The following KIZ variants were observed in gnomAD, a reference collection of about 807,000 sequenced individuals.
KIZ encodes kizuna centrosomal protein.
A neutral mutation model predicts 79.6 loss-of-function variants in KIZ; 68 were observed. The observed-to-expected ratio is 0.85, with a 90% CI of 0.70 to 1.05. The LOEUF (loss-of-function observed/expected upper bound fraction) is 1.05, where lower values mean the gene tolerates loss of function less well. Among genes scored for constraint, KIZ ranks in the 50% least tolerant of loss-of-function variants. The pLI, the probability that KIZ is intolerant of heterozygous loss-of-function variation, is 0.00. For missense variants in KIZ, 797 were observed against 800.4 expected (o/e 1.00, Z 0.05); for synonymous variants, 280 against 281.8 (o/e 0.99, Z 0.06).
At chr20:21,154,207 T>G (rs529449778) in intron 4 of KIZ, 6 of 152,264 alleles carry the variant, frequency 3.9e-5, no homozygotes, top group South Asian at 4.1e-4. Context: ...GTGAAGATAA[T>G]AAGAAGAAGA....
intron 6 of KIZ, among the ~76,000 whole-genome samples, chr20:21,178,946 T>A (rs73292173): frequency 1.3e-5 from 2 of 152,120 alleles, no homozygotes; most frequent in Non-Finnish European, 2.9e-5. Flanking sequence ...TATGATTCTT[T>A]TAATGTACTG....
At chr20:21,139,504 G>C (rs1029679654) in intron 3 of KIZ, among the ~76,000 whole-genome samples, 2 of 152,134 alleles carry the variant, frequency 1.3e-5, no homozygotes, top group Admixed American at 1.3e-4. Flanking sequence ...ACTTTTCAAA[G>C]ATTTCATGGA....
At chr20:21,135,677 G>T (rs1036435817) in intron 2 of KIZ, among the ~76,000 whole-genome samples, 1 of 152,214 alleles carries the variant, frequency 6.6e-6, no homozygotes, top group Non-Finnish European at 1.5e-5. Context: ...GGGAAGAAGA[G>T]TTAGGATTAA....
At chr20:21,126,022 GTT>G, upstream of KIZ, 1 of 1,351,836 alleles carries the variant, frequency 7.4e-7, no homozygotes, top group Non-Finnish European at 9.5e-7. Context: ...CCGGCGCGGT[GTT>G]TACCCGCGGT....
intron 11 of KIZ, among the ~76,000 whole-genome samples, chr20:21,236,568 T>G (rs991210524): frequency 9.8e-5 from 15 of 152,338 alleles, no homozygotes; most frequent in African/African-American, 3.4e-4. Flanking sequence ...CTCCTTATCC[T>G]GGACATCATA....
chr20:21,183,689 A>G (rs1445817055), intron 6 of KIZ, among the ~76,000 whole-genome samples: 2 of 151,506 alleles, frequency 1.3e-5, no homozygotes, highest in Non-Finnish European at 2.9e-5. Context: ...AGTAAATTAC[A>G]GGATTTTTTT....
chr20:21,184,339 C>T (rs1196974436), intron 6 of KIZ, among the ~76,000 whole-genome samples: 7 of 151,912 alleles, frequency 4.6e-5, no homozygotes, highest in South Asian at 2.1e-4. Context: ...TTAGTAGAGA[C>T]GGGGTTTCAC....
intron 4 of KIZ, among the ~76,000 whole-genome samples, chr20:21,152,521 TCCTGAGTTAC>T (rs1305579654): frequency 6.6e-6 from 1 of 152,180 alleles, no homozygotes; most frequent in Non-Finnish European, 1.5e-5. Context: ...GAGAGTTTTA[TCCTGAGTTAC>T]CCTATTTGGG....
At chr20:21,136,597 G>GT in intron 3 of KIZ, 45 bp downstream of exon 3, 13 of 1,299,132 alleles carry the variant, frequency 1.0e-5, no homozygotes, top group Admixed American at 3.5e-5. Flanking sequence ...TTGTTGTTGT[G>GT]TGTTTTTTTT....
intron 6 of KIZ, among the ~76,000 whole-genome samples, chr20:21,204,577 G>A (rs1212744922): frequency 2.6e-5 from 4 of 152,044 alleles, no homozygotes; most frequent in African/African-American, 9.7e-5. Context: ...ATCTTTGACA[G>A]TGGGAGCTTC....
intron 3 of KIZ, among the ~76,000 whole-genome samples, chr20:21,137,916 C>T (rs1349357152): frequency 1.3e-5 from 2 of 152,132 alleles, no homozygotes; most frequent in Non-Finnish European, 2.9e-5. Flanking sequence ...GGACTATAGG[C>T]ATGCACCACC....
chr20:21,171,045 G>A (rs1474077120), intron 6 of KIZ, among the ~76,000 whole-genome samples: 1 of 152,198 alleles, frequency 6.6e-6, no homozygotes, highest in Non-Finnish European at 1.5e-5. Flanking sequence ...GTGCCATTTT[G>A]CATTATCACT....
intron 2 of KIZ, among the ~76,000 whole-genome samples, chr20:21,134,611 T>C (rs1361889829): frequency 6.6e-6 from 1 of 152,100 alleles, no homozygotes; most frequent in Non-Finnish European, 1.5e-5. Flanking sequence ...CCCCTCATCT[T>C]TTCATTTTTG....
At chr20:21,149,412 T>C (rs1278156988) in intron 4 of KIZ, among the ~76,000 whole-genome samples, 3 of 152,080 alleles carry the variant, frequency 2.0e-5, no homozygotes, top group African/African-American at 7.3e-5. Flanking sequence ...AAACTGCCCA[T>C]GTTTGCAATA....
intron 11 of KIZ, among the ~76,000 whole-genome samples, chr20:21,237,170 C>T (rs1569004346): frequency 1.3e-5 from 2 of 150,930 alleles, no homozygotes; most frequent in African/African-American, 4.9e-5. Flanking sequence ...GACATGGTGG[C>T]AGGCGCCTAT....
chr20:21,168,971 A>G (rs1383312295), intron 6 of KIZ, among the ~76,000 whole-genome samples: 2 of 152,216 alleles, frequency 1.3e-5, no homozygotes, highest in Admixed American at 6.5e-5. Flanking sequence ...ACCTAAAACC[A>G]TAAAAACCCT....
chr20:21,228,660 C>T (rs1298264306), intron 9 of KIZ, among the ~76,000 whole-genome samples: 2 of 152,116 alleles, frequency 1.3e-5, no homozygotes, highest in Admixed American at 6.5e-5. Context: ...GTGACCTGAC[C>T]ACCTAGGAAG....
At position 21,232,811 on chromosome 20, in the gene KIZ, G is replaced by A; in HGVS notation, c.1861G>A (p.Glu621Lys). The A allele has an allele frequency of 1.3e-6, 2 of 1,548,706 alleles. No individual in the cohort carries two copies. Among genetic ancestry groups the A allele is most frequent in the South Asian group, 1.2e-5 (1 of 86,416 alleles). The change falls in exon 11 of 13, where the codon GAA becomes AAA. Residue 621 changes from glutamate to lysine, a missense_variant. By Grantham distance (56) the Glu-to-Lys change is moderately conservative (BLOSUM62 1). Transcript: ENST00000619189. Reference sequence around the variant, plus strand: ...TTCGGAAGCTAGTTTTTCATCTAGTGAAGGAAGTCCTTTGTCAAGGTAAAG... The same window carrying A: ...TTCGGAAGCTAGTTTTTCATCTAGTAAAGGAAGTCCTTTGTCAAGGTAAAG... ...IASEASFSSSEGSPLSRHENK... is the reference protein window; with the variant it reads ...IASEASFSSSKGSPLSRHENK...
intron 3 of KIZ, among the ~76,000 whole-genome samples, chr20:21,142,983 T>C (rs985031379): frequency 1.3e-5 from 2 of 152,104 alleles, no homozygotes; most frequent in Non-Finnish European, 2.9e-5. Context: ...GAGGGCAAAG[T>C]GTGTAGCAAA....
Sources: allele counts gnomAD v4.1 joint callset (sites outside exome capture counted in the v4.1 genomes callset), GRCh38; gene constraint gnomAD v4.1.1; transcripts MANE v1.5; gene names NCBI Gene and HGNC (gene_info 2026-07-23, HGNC 2026-07-21).